PODXL: variants seen among roughly 807,000 people sequenced by gnomAD.
PODXL encodes podocalyxin.
Under a neutral mutation model 48.9 loss-of-function variants are expected in PODXL, and 20 were observed. That is an observed-to-expected ratio of 0.41 (90% CI 0.29 to 0.59). The LOEUF is 0.59. PODXL is among the 20% of genes least tolerant of loss of function. The probability of loss-of-function intolerance (pLI) is 0.31; values close to 1 mark genes in which losing one functional copy is unlikely to be tolerated. For missense variants in PODXL, 606 were observed against 675.1 expected, an observed-to-expected ratio of 0.90 and a Z score of 1.13; for synonymous variants, 295 against 287.4, an observed-to-expected ratio of 1.03 and a Z score of -0.27.
chr7:131,539,268 G>T (rs934022146), intron 1 of PODXL, among the ~76,000 whole-genome samples: 2 of 152,226 alleles, frequency 1.3e-5, no homozygotes, highest in African/African-American at 4.8e-5. Flanking sequence ...TTGGACCTTG[G>T]TTTCCTCATC....
chr7:131,553,471 T>C (rs1798696928), intron 1 of PODXL, among the ~76,000 whole-genome samples: 1 of 152,224 alleles, frequency 6.6e-6, no homozygotes, highest in Non-Finnish European at 1.5e-5. Context: ...TCAATATATA[T>C]GCTTACTAAT....
intron 1 of PODXL, among the ~76,000 whole-genome samples, chr7:131,513,894 T>G (rs564212494): frequency 1.8e-4 from 27 of 152,100 alleles, no homozygotes; most frequent in African/African-American, 6.3e-4. Context: ...TTATCAGGAG[T>G]AGCCGCCAGC....
intron 1 of PODXL, among the ~76,000 whole-genome samples, chr7:131,533,819 G>A (rs1367650874): frequency 2.0e-5 from 3 of 152,254 alleles, no homozygotes; most frequent in African/African-American, 4.8e-5. Flanking sequence ...CCCGACACCC[G>A]GCTTCCAGTC....
Position 131,502,092 on chromosome 7 carries a change from G to C in PODXL, c.*2219C>G, listed in dbSNP as rs1360861616. ...TAGGGTTGCAGCCTTTGATTGATTT[G>C]CAGAGGCCTATTTGCTGTCTCCGTC... On this transcript the variant is annotated 3_prime_UTR_variant, in exon 9 of 9. Transcript: ENST00000378555. 1.3e-5 allele frequency: 2 copies of C among 152,214 alleles called. No individual in the cohort carries two copies. Among genetic ancestry groups the C allele is most frequent in the African/African-American group, 4.8e-5 (2 of 41,420 alleles). 9.4% of individuals were successfully genotyped at this position (152,214 alleles called of 1,614,324 possible).
intron 1 of PODXL, chr7:131,520,266 C>T: frequency 8.1e-6 from 4 of 491,914 alleles, no homozygotes; most frequent in South Asian, 6.4e-5. Flanking sequence ...GCCCCTCAGG[C>T]ACTCACAGAG....
chr7:131,538,197 T>A (rs2398794), intron 1 of PODXL, among the ~76,000 whole-genome samples: 3 of 152,082 alleles, frequency 2.0e-5, no homozygotes, highest in East Asian at 2.0e-4. Context: ...ATGACCCCCC[T>A]ACCCCCAGGC....
At chr7:131,547,818 G>A (rs1326502123) in intron 1 of PODXL, among the ~76,000 whole-genome samples, 4 of 152,124 alleles carry the variant, frequency 2.6e-5, no homozygotes, top group South Asian at 2.1e-4. Flanking sequence ...AATACCACCC[G>A]CAGGTTTCAA....
rs1166789394 is a variant in PODXL at position 131,504,353 on chromosome 7, C to T, written c.1635G>A (p.Leu545=). The T allele has an allele frequency of 2.5e-6, 4 of 1,614,096 alleles. No individual in the cohort carries two copies. Among genetic ancestry groups the T allele is most frequent in the Non-Finnish European group, 3.4e-6 (4 of 1,180,052 alleles). ...CCTCCTCATCCAGGTCGTCCTTGGTCAGGTTGTCCAGAGGGACGATCCAGC... is the reference window on the plus strand; with the variant it reads ...CCTCCTCATCCAGGTCGTCCTTGGTTAGGTTGTCCAGAGGGACGATCCAGC... The part of the protein sequence containing the change: ...GDSWIVPLDN[L]TKDDLDEEED... Residue 545 remains leucine (L), a synonymous_variant, in exon 9 of 9, where the codon CTG becomes CTA. Transcript: ENST00000378555.
intron 1 of PODXL, among the ~76,000 whole-genome samples, chr7:131,538,154 G>GT (rs1303911716): frequency 6.6e-6 from 1 of 152,066 alleles, no homozygotes; most frequent in Non-Finnish European, 1.5e-5. Flanking sequence ...CCAGCTCCTG[G>GT]CCCCTCCCCT....
In PODXL at chr7:131,510,886, T is replaced by G. The variant is rs753742577; in HGVS notation, c.648A>C (p.Ser216=). 3 of 1,614,126 alleles carry G rather than the reference T, an allele frequency of 1.9e-6. No homozygotes were observed. The highest frequency in any genetic ancestry group is 2.5e-6 in the Non-Finnish European group (3 of 1,180,028). ...HDHLMKISSS[S]STVAIPGYTF... is the part of the protein sequence containing the mutation. ...TGTAGCCAGGGATAGCCACAGTGCTTGAACTGCTTGAAATTTTCATAAGAT... is the reference window on the plus strand; with the variant it reads ...TGTAGCCAGGGATAGCCACAGTGCTGGAACTGCTTGAAATTTTCATAAGAT... Residue 216 remains serine (S), a synonymous_variant, in exon 2 of 9, where the codon TCA becomes TCC. Transcript: ENST00000378555.
chr7:131,535,636 C>T (rs971180132), intron 1 of PODXL, among the ~76,000 whole-genome samples: 44 of 152,206 alleles, frequency 2.9e-4, no homozygotes, highest in African/African-American at 9.6e-4. Flanking sequence ...TGAAGACAAC[C>T]GCAGAAACAA....
intron 1 of PODXL, among the ~76,000 whole-genome samples, chr7:131,532,252 G>A (rs1440196876): frequency 1.3e-5 from 2 of 150,290 alleles, no homozygotes; most frequent in Non-Finnish European, 3.0e-5. Context: ...TGGCTAACAC[G>A]GTGAAACCCC....
Position 131,510,221 on chromosome 7 carries a change from C to A in PODXL, c.802+15G>T, listed in dbSNP as rs1482400471. On this transcript the variant is annotated intron_variant, in intron 3 of 8. Transcript: ENST00000378555. ...AGTAAGTAAACAGGTATCGGCCGGG[C>A]ATGGTGGCTCATACCTGTAATCCCA... The A allele has an allele frequency of 6.7e-6, 3 of 445,996 alleles. No individual in the cohort carries two copies. Among genetic ancestry groups the A allele is most frequent in the Non-Finnish European group, 1.3e-5 (3 of 223,460 alleles). The allele number at this position is 445,996 out of a possible 1,614,324, so 27.6% of individuals were successfully genotyped here.
chr7:131,513,197 G>C (rs1314236555), intron 1 of PODXL, among the ~76,000 whole-genome samples: 1 of 152,164 alleles, frequency 6.6e-6, no homozygotes, highest in Non-Finnish European at 1.5e-5. Context: ...CTGGAAAGAA[G>C]AGTGTGTGGA....
intron 1 of PODXL, among the ~76,000 whole-genome samples, chr7:131,517,765 C>A (rs1456200349): frequency 2.0e-5 from 3 of 151,066 alleles, no homozygotes; most frequent in African/African-American, 7.3e-5. Flanking sequence ...TTTTTTGACA[C>A]AGAGTCTCTG....
chr7:131,541,658 G>C (rs1258075790), intron 1 of PODXL, among the ~76,000 whole-genome samples: 1 of 147,850 alleles, frequency 6.8e-6, no homozygotes, highest in Non-Finnish European at 1.5e-5. Context: ...GGGCAACAGA[G>C]CGAGACTCCG....
intron 1 of PODXL, among the ~76,000 whole-genome samples, chr7:131,545,034 G>A (rs1437664222): frequency 2.6e-5 from 4 of 152,182 alleles, no homozygotes; most frequent in Admixed American, 1.3e-4. Flanking sequence ...GCACCGTGAT[G>A]CTGTCAGGGT....
At chr7:131,550,120 C>G (rs1798646117) in intron 1 of PODXL, among the ~76,000 whole-genome samples, 1 of 152,242 alleles carries the variant, frequency 6.6e-6, no homozygotes, top group South Asian at 2.1e-4. Context: ...TTCTTAACCA[C>G]CTATTTGGCT....
Position 131,509,910 on chromosome 7 carries a change from G to C in PODXL, c.803-325C>G, listed in dbSNP as rs1261915046. On this transcript the variant is annotated intron_variant, in intron 3 of 8. Coordinates refer to ENST00000378555, the MANE Select transcript of PODXL (RefSeq NM_001018111.3). ...GGAAACTGAGGCTCCGAGGGGCTCA[G>C]TGATTTGCCCGAGTTCCTGTGCCAA... 3.3e-5 allele frequency among the ~76,000 whole-genome samples: 5 copies of C among 152,230 alleles called. No individual in the cohort carries two copies. The South Asian group carries it at 8.3e-4, about 25-fold the overall frequency.
Sources: allele counts gnomAD v4.1 joint callset (sites outside exome capture counted in the v4.1 genomes callset), GRCh38; gene constraint gnomAD v4.1.1; transcripts MANE v1.5; gene names NCBI Gene and HGNC (gene_info 2026-07-23, HGNC 2026-07-21).